The following PLAC1 variants were observed in gnomAD, a reference collection of about 807,000 sequenced individuals.
PLAC1 encodes the protein placenta-specific protein 1.
For missense variants in PLAC1, 136 were observed against 163.2 expected, an observed-to-expected ratio of 0.83 and a Z score of 0.91; for synonymous variants, 68 against 62.1, an observed-to-expected ratio of 1.09 and a Z score of -0.44.
chrX:134,614,326 T>A (rs1329538980), intron 1 of PLAC1, among the ~76,000 whole-genome samples: 1 of 111,737 alleles, frequency 8.9e-6, no homozygotes, highest in Non-Finnish European at 1.9e-5. Context: ...AATTAATATA[T>A]CCATCACTTC....
At chrX:134,700,794 T>G (rs1409872359) in intron 2 of PLAC1, among the ~76,000 whole-genome samples, 1 of 112,015 alleles carries the variant, frequency 8.9e-6, no homozygotes, top group Non-Finnish European at 1.9e-5. Flanking sequence ...TATAGATGAC[T>G]CAAACTAATA....
intron 1 of PLAC1, among the ~76,000 whole-genome samples, chrX:134,756,660 T>C (rs1240457681): frequency 9.1e-6 from 1 of 110,128 alleles, no homozygotes; most frequent in African/African-American, 3.3e-5. Context: ...CCATCCTGGC[T>C]AACACAGTGA....
chrX:134,708,534 C>CTTTTT (rs758488220), intron 2 of PLAC1, among the ~76,000 whole-genome samples: 10 of 73,635 alleles, frequency 1.4e-4, no homozygotes, highest in African/African-American at 2.1e-4. Context: ...CATTCTGTAT[C>CTTTTT]TTTTTTTTTT....
chrX:134,701,096 T>A (rs1207952830), intron 2 of PLAC1, among the ~76,000 whole-genome samples: 1 of 111,451 alleles, frequency 9.0e-6, no homozygotes, highest in Non-Finnish European at 1.9e-5. Flanking sequence ...GACACATAGA[T>A]CAATGGAACA....
At chrX:134,733,877 C>A (rs1294154903) in intron 1 of PLAC1, among the ~76,000 whole-genome samples, 1 of 109,713 alleles carries the variant, frequency 9.1e-6, no homozygotes, top group Non-Finnish European at 1.9e-5. Context: ...CGTTCACTGC[C>A]CTTCCCTTAG....
chrX:134,755,847 C>T (rs1332667673), intron 1 of PLAC1, among the ~76,000 whole-genome samples: 6 of 93,225 alleles, frequency 6.4e-5, no homozygotes, highest in Middle Eastern at 5.5e-3. Flanking sequence ...TTTCTTTTTC[C>T]TTTTCTTTCT....
intron 1 of PLAC1, among the ~76,000 whole-genome samples, chrX:134,651,748 T>A (rs2078364578): frequency 1.0e-5 from 1 of 99,741 alleles, no homozygotes; most frequent in Non-Finnish European, 2.0e-5. Context: ...TCTTCCTCTG[T>A]CCTCCTCATG....
At chrX:134,611,449 GTTTC>G (rs1339936393) in intron 1 of PLAC1, among the ~76,000 whole-genome samples, 1 of 106,874 alleles carries the variant, frequency 9.4e-6, no homozygotes, top group African/African-American at 3.4e-5. Context: ...GAGTGCCTTA[GTTTC>G]TTTATCTGTA....
chrX:134,566,427 C>T lies in PLAC1; in HGVS notation c.256G>A (p.Ala86Thr). The T allele has an allele frequency of 1.7e-6, 2 of 1,212,016 alleles. No individual in the cohort carries two copies. The highest frequency in any genetic ancestry group is 1.1e-6 in the Non-Finnish European group (1 of 895,573). ...TAGATAACCATGTCCTGAGAGACAGCTTTGGCCCTGATGCCACATTCAGTA... is the reference window on the plus strand; with the variant it reads ...TAGATAACCATGTCCTGAGAGACAGTTTTGGCCCTGATGCCACATTCAGTA... ...RVTECGIRAK[A>T]VSQDMVIYST... The change falls in exon 3 of 3, where the codon GCT becomes ACT. Residue 86 changes from alanine to threonine, a missense_variant. Physicochemically the swap from Ala to Thr is moderately conservative, Grantham distance 58. Transcript: ENST00000359237.
At chrX:134,574,420 C>T (rs1225442433) in intron 2 of PLAC1, among the ~76,000 whole-genome samples, 1 of 112,366 alleles carries the variant, frequency 8.9e-6, no homozygotes, top group Non-Finnish European at 1.9e-5. Context: ...CCTTCCCCCA[C>T]TCCTTCTCTA....
intron 2 of PLAC1, among the ~76,000 whole-genome samples, chrX:134,687,337 A>G (rs893079490): frequency 9.0e-6 from 1 of 111,569 alleles, no homozygotes; most frequent in Admixed American, 9.5e-5. Flanking sequence ...ATGGCTTTGA[A>G]TGGGGCCCAA....
chrX:134,581,011 C>T (rs952922943), intron 2 of PLAC1, among the ~76,000 whole-genome samples: 3 of 112,094 alleles, frequency 2.7e-5, no homozygotes, highest in African/African-American at 9.7e-5. Context: ...ACACATTCTC[C>T]AACTCTTGCA....
intron 2 of PLAC1, among the ~76,000 whole-genome samples, chrX:134,678,005 A>T (rs1351104133): frequency 9.0e-6 from 1 of 111,241 alleles, no homozygotes; most frequent in Non-Finnish European, 1.9e-5. Flanking sequence ...GTAAGAGAGA[A>T]ATCGGGAATG....
intron 2 of PLAC1, among the ~76,000 whole-genome samples, chrX:134,592,717 TCTC>T (rs2078044411): frequency 5.5e-5 from 5 of 90,675 alleles, no homozygotes; most frequent in Admixed American, 3.8e-4. Context: ...TCTCTCTGTG[TCTC>T]TTTTTTTTTT....
chrX:134,590,066 G>C (rs895490045), intron 2 of PLAC1, among the ~76,000 whole-genome samples: 2 of 108,755 alleles, frequency 1.8e-5, no homozygotes, highest in African/African-American at 6.7e-5. Flanking sequence ...GTGGTGGTAC[G>C]TGCCTGTAGT....
rs530686870 is a variant in PLAC1, at chrX:134,694,687, G to C, written n.174+38748C>G. On this transcript the variant is annotated intron_variant and non_coding_transcript_variant, in intron 2 of 2. Coordinates refer to the PLAC1 transcript ENST00000466797. ...TATCAACTGGCAGCATATAATGCCA[G>C]CTAAGAAGAATCAAGTCTCTGGTGA... 3.2e-3 allele frequency among the ~76,000 whole-genome samples: 357 copies of C among 112,407 alleles called. 1 individual carries two copies. Among genetic ancestry groups the C allele is most frequent in the African/African-American group, 0.011 (340 of 30,989 alleles).
chrX:134,762,658 T>A (rs144562607), intron 1 of PLAC1, among the ~76,000 whole-genome samples: 6,925 of 106,732 alleles, frequency 0.065, 534 homozygotes, highest in African/African-American at 0.22. Flanking sequence ...TGAAACCCCG[T>A]CTCTACTAAA....
intron 1 of PLAC1, among the ~76,000 whole-genome samples, chrX:134,748,309 G>A (rs1484685513): frequency 2.0e-5 from 2 of 100,401 alleles, no homozygotes; most frequent in African/African-American, 7.5e-5. Context: ...CAGCCTGGGC[G>A]ACAAGAGAGA....
intron 2 of PLAC1, among the ~76,000 whole-genome samples, chrX:134,724,691 G>A (rs1178583367): frequency 8.9e-6 from 1 of 112,339 alleles, no homozygotes; most frequent in African/African-American, 3.2e-5. Context: ...CATGATTTAT[G>A]GGTTTTTTCT....
Sources: allele counts gnomAD v4.1 joint callset (sites outside exome capture counted in the v4.1 genomes callset), GRCh38; gene constraint gnomAD v4.1.1; transcripts MANE v1.5; gene names NCBI Gene and HGNC (gene_info 2026-07-23, HGNC 2026-07-21).